CDH23: variants seen among roughly 807,000 people sequenced by gnomAD.
CDH23 encodes the protein cadherin related 23, also known as cadherin-23.
Under a neutral mutation model 317.1 loss-of-function variants are expected in CDH23, and 189 were observed. The observed-to-expected ratio is 0.60, with a 90% CI of 0.53 to 0.67. The LOEUF (loss-of-function observed/expected upper bound fraction) is 0.67. Among genes scored for constraint, CDH23 ranks in the 30% least tolerant of loss-of-function variants. The pLI is 0.00. For synonymous variants in CDH23, 1,839 were observed against 1,876.8 expected (o/e 0.98, Z 0.52); for missense variants, 4,401 against 4,592.4 (o/e 0.96, Z 1.20).
At chr10:71,452,781 CTATGGTTTGTTG>C (rs538311097) in intron 3 of CDH23, among the ~76,000 whole-genome samples, 1 of 152,260 alleles carries the variant, frequency 6.6e-6, no homozygotes, top group South Asian at 2.1e-4. Flanking sequence ...CTAATGTGAG[CTATGGTTTGTTG>C]ACAGCCAGCC....
At chr10:71,745,664 A>G (rs2132853192) in intron 38 of CDH23, among the ~76,000 whole-genome samples, 1 of 152,350 alleles carries the variant, frequency 6.6e-6, no homozygotes, top group Middle Eastern at 3.4e-3. Context: ...CAGACCCTCA[A>G]CTTTGGGCAG....
intron 9 of CDH23, among the ~76,000 whole-genome samples, chr10:71,608,735 C>T (rs1860678053): frequency 6.6e-6 from 1 of 152,234 alleles, no homozygotes; most frequent in South Asian, 2.1e-4. Flanking sequence ...GCAGCTGCCT[C>T]GTGAGTTCTG....
At position 71,433,239 on chromosome 10, in the gene CDH23, G is replaced by T. The variant is rs114215381; in HGVS notation, c.-5-6588G>T. Reference sequence around the variant, plus strand: ...AGGAATCCAAACACCATCCCCTGTTGCTTCCTAGGGACATCCCACAGTTGA... The same window carrying T: ...AGGAATCCAAACACCATCCCCTGTTTCTTCCTAGGGACATCCCACAGTTGA... On this transcript the variant is annotated intron_variant, in intron 1 of 69. Coordinates refer to ENST00000224721, the MANE Select transcript of CDH23 (RefSeq NM_022124.6). Among the ~76,000 whole-genome samples the T allele has an allele frequency of 5.9e-3, 894 of 152,250 alleles. 8 individuals are homozygous for T. The highest frequency in any genetic ancestry group is 0.021 in the African/African-American group (864 of 41,558).
intron 58 of CDH23, 41 bp downstream of exon 58, chr10:71,807,447 TAG>T: frequency 6.2e-7 from 1 of 1,612,886 alleles, no homozygotes; most frequent in Non-Finnish European, 8.5e-7. Context: ...ACCCTGGGGC[TAG>T]AGATGACCCA....
At chr10:71,537,662 A>C (rs1024731097) in intron 6 of CDH23, among the ~76,000 whole-genome samples, 2 of 152,196 alleles carry the variant, frequency 1.3e-5, no homozygotes, top group South Asian at 4.1e-4. Context: ...CTGTCCCATC[A>C]GTCCATCCCA....
chr10:71,667,523 G>A (rs925804362), intron 14 of CDH23, among the ~76,000 whole-genome samples: 46 of 151,934 alleles, frequency 3.0e-4, no homozygotes, highest in African/African-American at 1.0e-3. Flanking sequence ...AAAGTTGTTC[G>A]CAGCTGCCTG....
At chr10:71,786,582 C>G (rs2132942017) in intron 44 of CDH23, among the ~76,000 whole-genome samples, 1 of 150,758 alleles carries the variant, frequency 6.6e-6, no homozygotes, top group South Asian at 2.1e-4. Flanking sequence ...ACTGCAACCT[C>G]CACCTCCCAG....
intron 15 of CDH23, among the ~76,000 whole-genome samples, chr10:71,675,920 T>A (rs1185497170): frequency 6.6e-6 from 1 of 150,516 alleles, no homozygotes; most frequent in African/African-American, 2.4e-5. Context: ...TTTTTTTTTT[T>A]TTTGAAACAG....
Position 71,802,890 on chromosome 10 carries a change from C to T in CDH23, c.7483-8C>T, listed in dbSNP as rs781290621. On this transcript the variant is annotated splice_region_variant and splice_polypyrimidine_tract_variant and intron_variant, in intron 53 of 69. Transcript: ENST00000224721. ...CCTTACCTTTGGCCTTGACCTCCAT[C>T]CACCCAGGTGGTGATCCAAGTGCTG... 6.2e-7 allele frequency: 1 copy of T among 1,613,932 alleles called. No individual in the cohort carries two copies. The highest frequency in any genetic ancestry group is 1.7e-5 in the Admixed American group (1 of 60,010).
At chr10:71,430,605 T>C (rs1849325895) in intron 1 of CDH23, among the ~76,000 whole-genome samples, 1 of 152,070 alleles carries the variant, frequency 6.6e-6, no homozygotes, top group African/African-American at 2.4e-5. Flanking sequence ...GGTTAGGAGT[T>C]CGAGACAACC....
intron 14 of CDH23, among the ~76,000 whole-genome samples, chr10:71,664,000 CAA>C (rs772733185): frequency 6.3e-4 from 57 of 90,386 alleles, no homozygotes; most frequent in Admixed American, 1.2e-3. Flanking sequence ...GACTCTGTCT[CAA>C]AAAAAAAAAA....
At chr10:71,735,515 C>T (rs1253805113) in intron 34 of CDH23, among the ~76,000 whole-genome samples, 1 of 152,132 alleles carries the variant, frequency 6.6e-6, no homozygotes, top group Admixed American at 6.5e-5. Context: ...GACACTCAGC[C>T]ATCAATCTGG....
chr10:71,725,705 C>T lies in CDH23; in HGVS notation c.3579+185C>T, dbSNP rs77881188. Among the ~76,000 whole-genome samples, 2,482 of 152,292 alleles carry T rather than the reference C, an allele frequency of 0.016. 75 individuals are homozygous for T. The highest frequency in any genetic ancestry group is 0.058 in the African/African-American group (2,391 of 41,534). ...CCTGGGACTTGGACTTGTCATTTTG[C>T]TGTGAGTTTGTTCCTCCAGCTGTGG... On this transcript the variant is annotated intron_variant, in intron 30 of 69. Coordinates refer to ENST00000224721, the MANE Select transcript of CDH23 (RefSeq NM_022124.6).
At chr10:71,812,091 C>T in intron 66 of CDH23, 76 bp downstream of exon 66, 1 of 1,611,008 alleles carries the variant, frequency 6.2e-7, no homozygotes, top group Non-Finnish European at 8.5e-7. Flanking sequence ...GCTGCAGTCT[C>T]CCAGCGCTGG....
intron 3 of CDH23, among the ~76,000 whole-genome samples, chr10:71,466,824 T>C (rs555954534): frequency 6.6e-6 from 1 of 152,068 alleles, no homozygotes; most frequent in South Asian, 2.1e-4. Context: ...TTCTATATAT[T>C]TGTAGCAACC....
At position 71,798,579 on chromosome 10, in the gene CDH23, G is replaced by T; in HGVS notation, c.7054+1G>T. The T allele has an allele frequency of 6.2e-7, 1 of 1,605,260 alleles. No individual in the cohort carries two copies. Among genetic ancestry groups the T allele is most frequent in the Non-Finnish European group, 8.5e-7 (1 of 1,175,154 alleles). ...GTCCAGCTGGAGGACTCCTCGGCAGGTAGGTTAGAAATCTGTCAGAGGAGG... is the reference window on the plus strand; with the variant it reads ...GTCCAGCTGGAGGACTCCTCGGCAGTTAGGTTAGAAATCTGTCAGAGGAGG... On this transcript the variant is annotated splice_donor_variant, in intron 50 of 69. Coordinates refer to ENST00000224721, the MANE Select transcript of CDH23 (RefSeq NM_022124.6). LOFTEE classifies it high-confidence loss of function.
chr10:71,783,564 G>T (rs960442907), intron 41 of CDH23, among the ~76,000 whole-genome samples: 1 of 152,234 alleles, frequency 6.6e-6, no homozygotes, highest in Non-Finnish European at 1.5e-5. Flanking sequence ...GAGAATCTGA[G>T]GTTCTTGCTC....
chr10:71,801,940 G>A (rs1841569338), intron 53 of CDH23, among the ~76,000 whole-genome samples: 2 of 152,240 alleles, frequency 1.3e-5, no homozygotes, highest in Admixed American at 6.5e-5. Flanking sequence ...ATCTGCAAAG[G>A]AGGGTGCAGA....
chr10:71,406,947 T>C (rs1848123097), intron 1 of CDH23, among the ~76,000 whole-genome samples: 1 of 152,230 alleles, frequency 6.6e-6, no homozygotes. Flanking sequence ...TTAAGTACTG[T>C]GTGCCAGGCC....
Sources: gnomAD v4.1 joint callset for allele counts (sites outside exome capture counted in the v4.1 genomes callset) on GRCh38, gnomAD v4.1.1 for gene constraint, MANE v1.5 for transcripts, NCBI Gene and HGNC (gene_info 2026-07-23, HGNC 2026-07-21) for gene names.